ADCK1: variants seen among roughly 807,000 people sequenced by gnomAD.
The protein encoded by ADCK1 is aarF domain-containing protein kinase 1.
Under a neutral mutation model 52.3 loss-of-function variants are expected in ADCK1, and 41 were observed. That is an observed-to-expected ratio of 0.78 (90% CI 0.61 to 1.02). ADCK1 has a LOEUF of 1.02. ADCK1 is among the 50% of genes least tolerant of loss of function. ADCK1 has a pLI of 0.00. For missense variants in ADCK1, 658 were observed against 679.5 expected (o/e 0.97, Z 0.35); for synonymous variants, 250 against 274.6 (o/e 0.91, Z 0.89).
intron 1 of ADCK1, among the ~76,000 whole-genome samples, chr14:77,802,047 A>G (rs2081121057): frequency 6.6e-6 from 1 of 150,704 alleles, no homozygotes; most frequent in African/African-American, 2.4e-5. Flanking sequence ...CCAGTGGCCT[A>G]TTTCAGGGCC....
chr14:77,894,287 G>A (rs571040348), intron 5 of ADCK1, among the ~76,000 whole-genome samples: 1 of 152,210 alleles, frequency 6.6e-6, no homozygotes, highest in South Asian at 2.1e-4. Flanking sequence ...ACTGATTTTC[G>A]ATCCTTGTTG....
At chr14:77,808,042 G>A (rs1046370989) in intron 1 of ADCK1, among the ~76,000 whole-genome samples, 11 of 152,302 alleles carry the variant, frequency 7.2e-5, no homozygotes, top group Admixed American at 4.6e-4. Flanking sequence ...CAAAACATAC[G>A]AAATAACAGA....
chr14:77,852,656 A>AT (rs1566666909), intron 3 of ADCK1, among the ~76,000 whole-genome samples: 72 of 26,134 alleles, frequency 2.8e-3, no homozygotes, highest in Non-Finnish European at 5.7e-3. Context: ...TCTTTAAATA[A>AT]ATAAATATAT....
At chr14:77,866,085 G>A (rs1419432919) in intron 4 of ADCK1, among the ~76,000 whole-genome samples, 1 of 152,112 alleles carries the variant, frequency 6.6e-6, no homozygotes, top group Non-Finnish European at 1.5e-5. Context: ...TGATTTTGTT[G>A]CTGTGTGAAC....
chr14:77,883,599 CAT>C, intron 4 of ADCK1, among the ~76,000 whole-genome samples: 1 of 152,232 alleles, frequency 6.6e-6, no homozygotes, highest in Middle Eastern at 3.4e-3. Context: ...AATCAATTAT[CAT>C]GTGTGTGTAT....
Position 77,852,673 on chromosome 14 carries a change from A to AT in ADCK1, c.220-6402dup, listed in dbSNP as rs1440198588. 1.1e-3 allele frequency among the ~76,000 whole-genome samples: 20 copies of AT among 18,124 alleles called. 1 individual carries two copies. Among genetic ancestry groups the AT allele is most frequent in the East Asian group, 6.3e-3 (3 of 476 alleles). 11.9% of individuals were successfully genotyped at this position (18,124 alleles called of 152,430 possible). On this transcript the variant is annotated intron_variant, in intron 3 of 10. Coordinates refer to ENST00000238561, the MANE Select transcript of ADCK1 (RefSeq NM_020421.4). ...TTTAAATAAATAAATATATATATAT[A>AT]TATATATATATATATATATATATAT...
At chr14:77,904,991 G>A (rs932122688) in intron 6 of ADCK1, among the ~76,000 whole-genome samples, 1 of 152,138 alleles carries the variant, frequency 6.6e-6, no homozygotes, top group Non-Finnish European at 1.5e-5. Flanking sequence ...TGATTTAGGC[G>A]CAGCTCACTT....
At chr14:77,889,024 T>TA (rs1475858437) in intron 5 of ADCK1, among the ~76,000 whole-genome samples, 2 of 152,184 alleles carry the variant, frequency 1.3e-5, no homozygotes, top group East Asian at 3.9e-4. Flanking sequence ...TGACAGTGAC[T>TA]AAGTCTCACA....
chr14:77,807,368 T>G (rs931612560), intron 1 of ADCK1, among the ~76,000 whole-genome samples: 4 of 149,906 alleles, frequency 2.7e-5, no homozygotes, highest in Admixed American at 6.6e-5. Context: ...GCGCCCGGCC[T>G]GGAGACAGAG....
intron 3 of ADCK1, among the ~76,000 whole-genome samples, chr14:77,831,561 G>A (rs1174771133): frequency 6.6e-6 from 1 of 152,230 alleles, no homozygotes; most frequent in Admixed American, 6.5e-5. Context: ...TTAGAGGCAA[G>A]AGTCAGACAC....
chr14:77,874,919 G>T (rs772786744), intron 4 of ADCK1, among the ~76,000 whole-genome samples: 2 of 152,150 alleles, frequency 1.3e-5, no homozygotes, highest in Non-Finnish European at 2.9e-5. Context: ...GGGACAGGTG[G>T]ATGGGACAAT....
In ADCK1 at chr14:77,934,795, A is replaced by G. The variant is rs921884583; in HGVS notation, c.*1404A>G. 2 of 152,222 alleles carry G rather than the reference A, an allele frequency of 1.3e-5. No individual in the cohort carries two copies. The highest frequency in any genetic ancestry group is 4.8e-5 in the African/African-American group (2 of 41,450). The allele number at this position is 152,222 out of a possible 1,614,324, so 9.4% of individuals were successfully genotyped here. On this transcript the variant is annotated 3_prime_UTR_variant, in exon 11 of 11. Coordinates refer to ENST00000238561, the MANE Select transcript of ADCK1 (RefSeq NM_020421.4). ...GCCTAATTTTCTGTACTCTTTATTCATAGTACAGCAAGCAGATTTTTCAGT... is the reference window on the plus strand; with the variant it reads ...GCCTAATTTTCTGTACTCTTTATTCGTAGTACAGCAAGCAGATTTTTCAGT...
chr14:77,853,320 A>C (rs932045787), intron 3 of ADCK1, among the ~76,000 whole-genome samples: 12 of 149,600 alleles, frequency 8.0e-5, no homozygotes, highest in Non-Finnish European at 1.8e-4. Context: ...GAGTTTTGCC[A>C]TATTGCCCAG....
In ADCK1 at chr14:77,933,223, CAAG is replaced by C. The variant is rs1376448790; in HGVS notation, c.1413_1415del (p.Lys471del). On this transcript the variant is annotated inframe_deletion, in exon 11 of 11. Transcript: ENST00000238561. The stretch of plus-strand genomic sequence containing the variant: ...TTTTTTCTTTCCCTTTTTCCAGGCA[CAAG>C]AAGAAGAATACCTGTTCATTCTTCA... 8.1e-6 allele frequency: 13 copies of C among 1,612,180 alleles called. No homozygotes were observed. The highest frequency in any genetic ancestry group is 2.2e-5 in the South Asian group (2 of 90,938).
intron 3 of ADCK1, among the ~76,000 whole-genome samples, chr14:77,842,058 C>T (rs1043798499): frequency 2.0e-5 from 3 of 151,784 alleles, no homozygotes; most frequent in Non-Finnish European, 2.9e-5. Flanking sequence ...ACCATTGTAC[C>T]CCAGCCTGGG....
At chr14:77,884,659 C>T (rs1398158129) in intron 4 of ADCK1, among the ~76,000 whole-genome samples, 1 of 152,210 alleles carries the variant, frequency 6.6e-6, no homozygotes, top group East Asian at 1.9e-4. Context: ...GGTTCACTCC[C>T]TCTGTCTCTG....
intron 6 of ADCK1, 80 bp downstream of exon 6, chr14:77,899,338 C>T: frequency 6.5e-7 from 1 of 1,539,858 alleles, no homozygotes; most frequent in Non-Finnish European, 8.9e-7. Context: ...CTTGAGCATC[C>T]CTTTCAGGAC....
In ADCK1 at chr14:77,852,686, T is replaced by A. The variant is rs1398422387; in HGVS notation, c.220-6390T>A. ...ATATATATATATATATATATATATA[T>A]ATATATATATATATATATTTCACTC... is the stretch of plus-strand genomic sequence containing the variant. On this transcript the variant is annotated intron_variant, in intron 3 of 10. Coordinates refer to ENST00000238561, the MANE Select transcript of ADCK1 (RefSeq NM_020421.4). Among the ~76,000 whole-genome samples, 28 of 87,662 alleles carry A rather than the reference T, an allele frequency of 3.2e-4. 2 individuals carry two copies. Among genetic ancestry groups the A allele is most frequent in the Non-Finnish European group, 5.1e-4 (22 of 43,444 alleles). 57.5% of individuals were successfully genotyped at this position (87,662 alleles called of 152,430 possible).
intron 5 of ADCK1, among the ~76,000 whole-genome samples, chr14:77,890,665 A>T (rs891876353): frequency 2.0e-5 from 3 of 152,196 alleles, no homozygotes; most frequent in African/African-American, 7.2e-5. Context: ...CAAATCAGTA[A>T]AGCACTGGAA....
Sources: gnomAD v4.1 joint callset for allele counts (sites outside exome capture counted in the v4.1 genomes callset) on GRCh38, gnomAD v4.1.1 for gene constraint, MANE v1.5 for transcripts, NCBI Gene and HGNC (gene_info 2026-07-23, HGNC 2026-07-21) for gene names.